APPBP2: variants seen among roughly 807,000 people sequenced by gnomAD.
The protein encoded by APPBP2 is amyloid beta precursor protein binding protein 2.
A neutral mutation model predicts 76.0 loss-of-function variants in APPBP2; 15 were observed. The ratio of observed to expected loss-of-function variants is 0.20; its 90% CI spans 0.13 to 0.30. The LOEUF (loss-of-function observed/expected upper bound fraction) is 0.30, where lower values mean the gene tolerates loss of function less well. Ranked by LOEUF, APPBP2 falls within the 10% of genes least tolerant of loss-of-function variation. The pLI is 1.00. For missense variants in APPBP2, 401 were observed against 687.2 expected, an observed-to-expected ratio of 0.58 and a Z score of 4.66; for synonymous variants, 222 against 242.2, an observed-to-expected ratio of 0.92 and a Z score of 0.77.
intron 12 of APPBP2, among the ~76,000 whole-genome samples, chr17:60,450,664 G>C (rs2090387812): frequency 6.6e-6 from 1 of 150,860 alleles, no homozygotes; most frequent in Admixed American, 6.6e-5. Context: ...TGTAGTCCCA[G>C]CTACTCAGGT....
chr17:60,509,553 A>G (rs2090895228), intron 1 of APPBP2, among the ~76,000 whole-genome samples: 1 of 152,194 alleles, frequency 6.6e-6, no homozygotes, highest in African/African-American at 2.4e-5. Context: ...CTGTAATCCC[A>G]GCACCTTAGG....
chr17:60,468,395 A>T (rs1388446736), intron 4 of APPBP2: 1 of 152,150 alleles, frequency 6.6e-6, no homozygotes, highest in Non-Finnish European at 1.5e-5. Flanking sequence ...AAAATGAGAA[A>T]CCCATAGGTT....
intron 5 of APPBP2, among the ~76,000 whole-genome samples, 158 bp from the exon 6 acceptor site, chr17:60,464,268 TA>T (rs1285056539): frequency 6.6e-6 from 1 of 152,234 alleles, no homozygotes; most frequent in East Asian, 1.9e-4. Flanking sequence ...CTTCAAAGTA[TA>T]AATCTGTTAT....
At chr17:60,518,346 CGTGTGTGCGTGCGT>C (rs1367390561) in intron 1 of APPBP2, among the ~76,000 whole-genome samples, 1,711 of 128,358 alleles carry the variant, frequency 0.013, 250 homozygotes, top group African/African-American at 0.062. Flanking sequence ...CATGCCCAGC[CGTGTGTGCGTGCGT>C]GTGTGTGTGT....
intron 4 of APPBP2, among the ~76,000 whole-genome samples, chr17:60,474,694 G>A (rs1296557112): frequency 6.6e-6 from 1 of 152,062 alleles, no homozygotes; most frequent in Non-Finnish European, 1.5e-5. Context: ...GTTTGACGTG[G>A]TAAATTTTTG....
intron 2 of APPBP2, chr17:60,496,276 T>C (rs980034059): frequency 9.2e-5 from 14 of 152,192 alleles, no homozygotes; most frequent in African/African-American, 3.1e-4. Context: ...TTTAAATTGG[T>C]GAATTTTATA....
At chr17:60,519,937 C>T (rs1274966657) in intron 1 of APPBP2, among the ~76,000 whole-genome samples, 1 of 151,876 alleles carries the variant, frequency 6.6e-6, no homozygotes, top group African/African-American at 2.4e-5. Flanking sequence ...GCATGCAACA[C>T]CACACATGGC....
intron 4 of APPBP2, among the ~76,000 whole-genome samples, chr17:60,471,688 T>C (rs1271574657): frequency 1.3e-5 from 2 of 152,158 alleles, no homozygotes; most frequent in Non-Finnish European, 2.9e-5. Flanking sequence ...TAGTGTAAAA[T>C]CCTTTTAATA....
At chr17:60,507,016 T>C (rs1290660270) in intron 1 of APPBP2, among the ~76,000 whole-genome samples, 4 of 152,114 alleles carry the variant, frequency 2.6e-5, no homozygotes, top group East Asian at 1.9e-4. Context: ...AGCCTGGCGA[T>C]AGAGCAAGAC....
chr17:60,502,877 A>C (rs1441687225), intron 1 of APPBP2, among the ~76,000 whole-genome samples: 1 of 146,468 alleles, frequency 6.8e-6, no homozygotes, highest in East Asian at 1.9e-4. Context: ...GAATAAACAA[A>C]AACAAGTTAT....
chr17:60,508,687 T>C (rs1362858199), intron 1 of APPBP2, among the ~76,000 whole-genome samples: 1 of 152,126 alleles, frequency 6.6e-6, no homozygotes, highest in African/African-American at 2.4e-5. Context: ...CAGTCTCCTA[T>C]GAAAAACTGA....
At chr17:60,461,236 ATTG>A (rs2090474027) in intron 8 of APPBP2, 1 of 153,832 alleles carries the variant, frequency 6.5e-6, no homozygotes, top group African/African-American at 2.4e-5. Flanking sequence ...TTAGCCGGGC[ATTG>A]TGGCACGGGC....
intron 3 of APPBP2, among the ~76,000 whole-genome samples, chr17:60,482,497 G>A (rs1160469018): frequency 1.3e-5 from 2 of 151,888 alleles, no homozygotes; most frequent in Non-Finnish European, 2.9e-5. Flanking sequence ...TGTGCACAAC[G>A]TGCAGGTTAC....
chr17:60,485,112 ATT>A (rs974323976), intron 3 of APPBP2, among the ~76,000 whole-genome samples: 3 of 151,848 alleles, frequency 2.0e-5, no homozygotes, highest in African/African-American at 7.3e-5. Context: ...GTTTGCCGGT[ATT>A]TTATTGAGGA....
intron 2 of APPBP2, among the ~76,000 whole-genome samples, chr17:60,500,069 T>C (rs1472632648): frequency 6.6e-6 from 1 of 151,430 alleles, no homozygotes; most frequent in Non-Finnish European, 1.5e-5. Flanking sequence ...TGGAGTGCAG[T>C]GGCGCGATCT....
intron 1 of APPBP2, among the ~76,000 whole-genome samples, chr17:60,520,750 T>C (rs1189158233): frequency 6.6e-6 from 1 of 152,034 alleles, no homozygotes; most frequent in Non-Finnish European, 1.5e-5. Flanking sequence ...TTTAAAGAGA[T>C]GGAGTCTCAC....
chr17:60,461,713 C>T, intron 8 of APPBP2, 97 bp downstream of exon 8: 1 of 864,148 alleles, frequency 1.2e-6, no homozygotes, highest in Non-Finnish European at 1.8e-6. Flanking sequence ...GGGTAGTTGT[C>T]AAAAAGTCAT....
At chr17:60,452,309 A>G (rs1307046613) in intron 11 of APPBP2, among the ~76,000 whole-genome samples, 1 of 152,280 alleles carries the variant, frequency 6.6e-6, no homozygotes, top group Non-Finnish European at 1.5e-5. Flanking sequence ...AAAAATTGTT[A>G]CAAGAAATTC....
intron 1 of APPBP2, among the ~76,000 whole-genome samples, chr17:60,507,100 G>T (rs1473422960): frequency 2.0e-5 from 3 of 152,090 alleles, no homozygotes; most frequent in East Asian, 1.9e-4. Context: ...ACATTTGCAG[G>T]CTTGTTACAC....
Sources: gnomAD v4.1 joint callset for allele counts (sites outside exome capture counted in the v4.1 genomes callset) on GRCh38, gnomAD v4.1.1 for gene constraint, MANE v1.5 for transcripts, NCBI Gene and HGNC (gene_info 2026-07-23, HGNC 2026-07-21) for gene names.